The following WASF2 variants were observed in gnomAD, a reference collection of about 807,000 sequenced individuals.
The protein encoded by WASF2 is actin-binding protein WASF2.
WASF2 carries 14 observed loss-of-function variants against 45.0 expected under a neutral mutation model. The ratio of observed to expected loss-of-function variants is 0.31; its 90% confidence interval spans 0.21 to 0.49. WASF2 has a LOEUF of 0.49. WASF2 is among the 20% of genes least tolerant of loss of function. The pLI is 0.99. For missense variants in WASF2, 439 were observed against 636.1 expected (o/e 0.69, Z 3.33); for synonymous variants, 200 against 236.3 (o/e 0.85, Z 1.41).
At chr1:27,455,322 A>T (rs1286268125) in intron 1 of WASF2, among the ~76,000 whole-genome samples, 3 of 152,144 alleles carry the variant, frequency 2.0e-5, no homozygotes, top group African/African-American at 7.2e-5. Context: ...ATGTGCCAGC[A>T]GCTGCCTCCT....
intron 1 of WASF2, among the ~76,000 whole-genome samples, chr1:27,478,785 T>C (rs1462264299): frequency 2.0e-5 from 3 of 151,888 alleles, no homozygotes; most frequent in Non-Finnish European, 4.4e-5. Context: ...GGCTTCTCCA[T>C]GTTGGTCAGG....
chr1:27,414,810 AACAGTAC>A lies in WASF2; in HGVS notation c.668+16_668+22del. 6.2e-7 allele frequency: 1 copy of A among 1,613,552 alleles called. No homozygotes were observed. The highest frequency in any genetic ancestry group is 1.3e-5 in the African/African-American group (1 of 74,972). On this transcript the variant is annotated intron_variant, in intron 6 of 8. Coordinates refer to ENST00000618852, the MANE Select transcript of WASF2 (RefSeq NM_006990.5). The surrounding 1 kb of genome is among the most constrained non-coding windows in gnomAD (Gnocchi z 4.1). ...CCCAGCCCCTTCAAAGAATGCTACC[AACAGTAC>A]AAAGGCATTACCTACCCAGAAGTCC...
At chr1:27,472,106 G>A (rs555172733) in intron 1 of WASF2, among the ~76,000 whole-genome samples, 2 of 152,226 alleles carry the variant, frequency 1.3e-5, no homozygotes, top group South Asian at 4.1e-4. Flanking sequence ...GCAGAGGCGG[G>A]CAGATCACGA....
intron 1 of WASF2, among the ~76,000 whole-genome samples, chr1:27,477,930 A>ATTT: frequency 9.7e-6 from 1 of 102,948 alleles, no homozygotes; most frequent in Non-Finnish European, 1.8e-5. Flanking sequence ...AAAAAAAAAA[A>ATTT]TAAAAATAAA....
At chr1:27,411,398 A>G (rs1453530848) in intron 7 of WASF2, among the ~76,000 whole-genome samples, 2 of 152,232 alleles carry the variant, frequency 1.3e-5, no homozygotes, top group Non-Finnish European at 2.9e-5. Context: ...TTGGAGTTTC[A>G]TCCCCCTTTT....
intron 1 of WASF2, among the ~76,000 whole-genome samples, chr1:27,476,305 G>GA (rs2017766073): frequency 6.6e-6 from 1 of 152,188 alleles, no homozygotes; most frequent in Non-Finnish European, 1.5e-5. Context: ...GGCTGTACAG[G>GA]AAACAGTGCC....
At chr1:27,441,922 C>T (rs2017241980) in intron 1 of WASF2, among the ~76,000 whole-genome samples, 1 of 134,990 alleles carries the variant, frequency 7.4e-6, no homozygotes, top group African/African-American at 2.9e-5. Context: ...GAGACTCCAT[C>T]TCAAAAAAAA....
intron 1 of WASF2, among the ~76,000 whole-genome samples, chr1:27,435,116 T>C (rs1447877239): frequency 6.6e-6 from 1 of 152,080 alleles, no homozygotes; most frequent in Non-Finnish European, 1.5e-5. Context: ...CCCACTAATT[T>C]TTGTATTTTT....
intron 1 of WASF2, among the ~76,000 whole-genome samples, chr1:27,453,338 TC>T (rs1216967271): frequency 6.6e-6 from 1 of 152,028 alleles, no homozygotes; most frequent in Non-Finnish European, 1.5e-5. Flanking sequence ...ACGCCTATAA[TC>T]CCAGCACTTT....
intron 1 of WASF2, among the ~76,000 whole-genome samples, chr1:27,450,826 C>T (rs141814382): frequency 6.6e-6 from 1 of 151,982 alleles, no homozygotes; most frequent in Non-Finnish European, 1.5e-5. Flanking sequence ...CTGTTCCCTT[C>T]CCTTCTCCTC....
rs1445707435 is a variant in WASF2 at position 27,414,812 on chromosome 1, CAG to C, written c.668+19_668+20del. The C allele has an allele frequency of 1.4e-5, 23 of 1,613,296 alleles. No individual in the cohort carries two copies. The highest frequency in any genetic ancestry group is 1.9e-5 in the Non-Finnish European group (23 of 1,179,620). ...CAGCCCCTTCAAAGAATGCTACCAA[CAG>C]TACAAAGGCATTACCTACCCAGAAG... On this transcript the variant is annotated intron_variant, in intron 6 of 8. Transcript: ENST00000618852. This position sits in a 1 kb window ranked among gnomAD's most constrained non-coding sequence, Gnocchi z 4.1.
At chr1:27,455,477 G>A (rs1223398922) in intron 1 of WASF2, among the ~76,000 whole-genome samples, 2 of 152,122 alleles carry the variant, frequency 1.3e-5, no homozygotes, top group East Asian at 3.8e-4. Flanking sequence ...GATGTGAGAA[G>A]GGCCGAGACT....
intron 2 of WASF2, among the ~76,000 whole-genome samples, chr1:27,423,339 G>A (rs971137696): frequency 4.0e-5 from 6 of 151,730 alleles, no homozygotes; most frequent in African/African-American, 1.2e-4. Context: ...AAATACAGGC[G>A]CAGGCCCAGC....
At position 27,404,582 on chromosome 1, in the gene WASF2, C is replaced by G. The variant is rs2016637228; in HGVS notation, c.*3607G>C. The G allele has an allele frequency of 6.6e-6, 1 of 152,164 alleles. No homozygotes were observed. Among genetic ancestry groups the G allele is most frequent in the Non-Finnish European group, 1.5e-5 (1 of 68,032 alleles). 9.4% of individuals were successfully genotyped at this position (152,164 alleles called of 1,614,324 possible). A position where few individuals can be genotyped will look rare whatever the true frequency, so the allele number is the denominator to read the frequency against. On this transcript the variant is annotated 3_prime_UTR_variant, in exon 9 of 9. Transcript: ENST00000618852. ...CACATATACCCCCCTTCCCTAAAAT[C>G]TTGATGTGGCAAACACACCCAAGAA...
chr1:27,427,600 C>T (rs978535416), intron 2 of WASF2, among the ~76,000 whole-genome samples: 1 of 152,186 alleles, frequency 6.6e-6, no homozygotes, highest in Non-Finnish European at 1.5e-5. Context: ...TTTCTCTAAG[C>T]CCTGGATCAA....
At chr1:27,454,189 T>TA (rs2017435349) in intron 1 of WASF2, among the ~76,000 whole-genome samples, 2 of 13,266 alleles carry the variant, frequency 1.5e-4, no homozygotes, top group East Asian at 1.6e-3. Flanking sequence ...ATATATATAT[T>TA]TTTTTTTTTT....
At chr1:27,448,324 T>C (rs1032602721) in intron 1 of WASF2, among the ~76,000 whole-genome samples, 1 of 152,248 alleles carries the variant, frequency 6.6e-6, no homozygotes, top group African/African-American at 2.4e-5. Flanking sequence ...AAAAGCAGTG[T>C]ATCATCCATT....
Position 27,407,584 on chromosome 1 carries a change from G to A in WASF2, c.*605C>T, listed in dbSNP as rs1200161712. 1 of 152,724 alleles carries A rather than the reference G, an allele frequency of 6.5e-6. No individual in the cohort carries two copies. Among genetic ancestry groups the A allele is most frequent in the Non-Finnish European group, 1.5e-5 (1 of 68,146 alleles). 9.5% of individuals were successfully genotyped at this position (152,724 alleles called of 1,614,324 possible). A position where few individuals can be genotyped will look rare whatever the true frequency, so the allele number is the denominator to read the frequency against. On this transcript the variant is annotated 3_prime_UTR_variant, in exon 9 of 9. Coordinates refer to ENST00000618852, the MANE Select transcript of WASF2 (RefSeq NM_006990.5). ...GGCATCATTTTTGGGCAGAGGAGGT[G>A]AGACATTCTTTAGAGGCTTGATGCC...
chr1:27,484,635 G>A (rs185863136), intron 1 of WASF2, among the ~76,000 whole-genome samples: 96 of 151,938 alleles, frequency 6.3e-4, no homozygotes, highest in Non-Finnish European at 1.3e-3. Flanking sequence ...GTGAAACCCT[G>A]TCTCTACTAA....
Sources: allele counts gnomAD v4.1 joint callset (sites outside exome capture counted in the v4.1 genomes callset), GRCh38; gene constraint gnomAD v4.1.1; non-coding constraint Gnocchi (gnomAD v3.1); transcripts MANE v1.5; gene names NCBI Gene and HGNC (gene_info 2026-07-23, HGNC 2026-07-21).